P2RY14: variants seen among roughly 807,000 people sequenced by gnomAD.
P2RY14 encodes P2Y purinoceptor 14.
P2RY14 carries 2 observed loss-of-function variants against 0.9 expected under a neutral mutation model. That is an observed-to-expected ratio of 2.16 (90% CI 0.88 to 6.79). The LOEUF is 6.79. P2RY14 is among the 30% of genes most tolerant of loss of function. The pLI, the probability that P2RY14 is intolerant of heterozygous loss-of-function variation, is 0.05. For synonymous variants in P2RY14, 158 were observed against 147.2 expected (o/e 1.07, Z -0.53); for missense variants, 378 against 400.1 (o/e 0.94, Z 0.47).
At chr3:151,231,834 C>T (rs1731735220) in intron 1 of P2RY14, among the ~76,000 whole-genome samples, 3 of 152,060 alleles carry the variant, frequency 2.0e-5, no homozygotes, top group South Asian at 4.1e-4. Flanking sequence ...TTTAGAGATG[C>T]TTATTGAAGT....
Position 151,213,415 on chromosome 3 carries a change from G to A in P2RY14, c.902C>T (p.Pro301Leu), listed in dbSNP as rs74811185. The A allele has an allele frequency of 1.8e-3, 2,954 of 1,613,982 alleles. 40 individuals carry two copies. In the East Asian group the frequency reaches 0.023, roughly 12 times the overall value. The stretch of plus-strand genomic sequence containing the variant: ...TTTCTTACATAAGATTTCCCTAAAC[G>A]GCTGGCATAGAAAGAAATAAATAAT... Reference protein sequence around the residue: ...DPIIYFFLCQPFREILCKKLH... With the variant: ...DPIIYFFLCQLFREILCKKLH... The change falls in exon 3 of 3, where the codon CCG becomes CTG. Residue 301 changes from proline to leucine, a missense_variant. By Grantham distance (98) the Pro-to-Leu change is moderately conservative. Coordinates refer to ENST00000309170, the MANE Select transcript of P2RY14 (RefSeq NM_014879.4).
At chr3:151,261,829 A>G (rs1400599560) in intron 1 of P2RY14, among the ~76,000 whole-genome samples, 1 of 152,078 alleles carries the variant, frequency 6.6e-6, no homozygotes, top group Non-Finnish European at 1.5e-5. Flanking sequence ...GGTTCAATAC[A>G]TTCTTGTGCC....
chr3:151,249,685 T>C (rs1736458049), intron 1 of P2RY14, among the ~76,000 whole-genome samples: 1 of 152,306 alleles, frequency 6.6e-6, no homozygotes, highest in South Asian at 2.1e-4. Flanking sequence ...GGGTCTCCAA[T>C]CATTCTTCGT....
intron 1 of P2RY14, among the ~76,000 whole-genome samples, chr3:151,242,480 CTG>C (rs1283132507): frequency 6.6e-6 from 1 of 151,994 alleles, no homozygotes; most frequent in East Asian, 1.9e-4. Context: ...AGCAGCCTAA[CTG>C]GGAGGCACCC....
intron 1 of P2RY14, among the ~76,000 whole-genome samples, chr3:151,237,266 C>G (rs1320172695): frequency 6.6e-6 from 1 of 150,550 alleles, no homozygotes; most frequent in Non-Finnish European, 1.5e-5. Flanking sequence ...TCTTGAACAC[C>G]TGACCTTGTG....
intron 1 of P2RY14, among the ~76,000 whole-genome samples, chr3:151,220,151 C>T (rs764120328): frequency 2.7e-5 from 4 of 148,598 alleles, no homozygotes; most frequent in South Asian, 2.2e-4. Context: ...ACCCAAGTTG[C>T]GGTAATCAAA....
At chr3:151,227,691 G>C (rs1045362845) in intron 1 of P2RY14, among the ~76,000 whole-genome samples, 1 of 152,168 alleles carries the variant, frequency 6.6e-6, no homozygotes, top group Non-Finnish European at 1.5e-5. Flanking sequence ...TGGCAAACTG[G>C]GGGCCAGGAA....
intron 1 of P2RY14, among the ~76,000 whole-genome samples, chr3:151,246,396 C>T (rs1424451362): frequency 2.6e-5 from 4 of 151,976 alleles, no homozygotes; most frequent in Admixed American, 2.0e-4. Flanking sequence ...GTAACCAAAA[C>T]AGCATGGTAC....
In P2RY14 at chr3:151,214,343, G is replaced by A; in HGVS notation, c.-24-3C>T. ...TTGTAACTTCTGAAGGCAGAGGCCT[G>A]AAAAGAGGTGTGAACTGGTCACTCA... On this transcript the variant is annotated splice_polypyrimidine_tract_variant and splice_region_variant and intron_variant, in intron 2 of 2. Coordinates refer to ENST00000309170, the MANE Select transcript of P2RY14 (RefSeq NM_014879.4). The A allele has an allele frequency of 2.5e-6, 4 of 1,596,594 alleles. No homozygotes were observed. The South Asian group carries it at 3.4e-5, about 14-fold the overall frequency.
intron 1 of P2RY14, among the ~76,000 whole-genome samples, chr3:151,225,632 C>T (rs543818828): frequency 2.0e-5 from 3 of 152,304 alleles, no homozygotes; most frequent in East Asian, 3.9e-4. Context: ...CAGATCCTAT[C>T]GGTAGCTGTC....
chr3:151,232,918 A>G (rs934696214), intron 1 of P2RY14, among the ~76,000 whole-genome samples: 3 of 152,208 alleles, frequency 2.0e-5, no homozygotes, highest in Non-Finnish European at 2.9e-5. Context: ...TACCCTTGAA[A>G]CTAAATTTTT....
intron 1 of P2RY14, among the ~76,000 whole-genome samples, chr3:151,256,318 C>T (rs1196130613): frequency 2.0e-5 from 3 of 152,108 alleles, no homozygotes; most frequent in Non-Finnish European, 4.4e-5. Context: ...GAGTGCTTCT[C>T]GGAGCTTTAC....
intron 1 of P2RY14, among the ~76,000 whole-genome samples, chr3:151,227,596 T>A (rs1730794473): frequency 6.6e-6 from 1 of 152,188 alleles, no homozygotes; most frequent in Non-Finnish European, 1.5e-5. Flanking sequence ...TGCAAATGGA[T>A]CATGGGAGCT....
chr3:151,232,112 CCTT>C (rs1381323113), intron 1 of P2RY14, among the ~76,000 whole-genome samples: 1 of 152,126 alleles, frequency 6.6e-6, no homozygotes, highest in Non-Finnish European at 1.5e-5. Context: ...TCTTACCTTT[CCTT>C]CTTACTTTCC....
chr3:151,220,228 G>A (rs1204221062), intron 1 of P2RY14, among the ~76,000 whole-genome samples: 1 of 151,528 alleles, frequency 6.6e-6, no homozygotes, highest in African/African-American at 2.4e-5. Context: ...TACCACCAGT[G>A]TAATGAGACT....
rs80221973 is a variant in P2RY14 at position 151,278,418 on chromosome 3, C to T, written c.-264G>A. The T allele has an allele frequency of 1.3e-5, 2 of 152,178 alleles. No individual in the cohort carries two copies. The highest frequency in any genetic ancestry group is 4.8e-5 in the African/African-American group (2 of 41,434). 9.4% of individuals were successfully genotyped at this position (152,178 alleles called of 1,614,324 possible). A position where few individuals can be genotyped will look rare whatever the true frequency, so the allele number is the denominator to read the frequency against. The stretch of plus-strand genomic sequence containing the variant: ...CTACGGATGAAAATCAGGAACTTGA[C>T]AGAAACCACAAGATAGTGGGTCCCT... On this transcript the variant is annotated 5_prime_UTR_variant, in exon 1 of 3. Coordinates refer to ENST00000309170, the MANE Select transcript of P2RY14 (RefSeq NM_014879.4).
intron 1 of P2RY14, among the ~76,000 whole-genome samples, chr3:151,243,276 A>C (rs1734613158): frequency 6.6e-6 from 1 of 151,752 alleles, no homozygotes; most frequent in Non-Finnish European, 1.5e-5. Flanking sequence ...CGCCACAAAG[A>C]TACTCCTCGA....
rs544243320 is a variant in P2RY14, at chr3:151,244,891, AAGAG to A, written c.-132-25253_-132-25250del. ...CGCTAGCAAGACTAATAAAGAAAAA[AAGAG>A]AGAAGAATCTAATAGACCCAATAAA... On this transcript the variant is annotated intron_variant, in intron 1 of 2. Transcript: ENST00000309170. 2.9e-3 allele frequency among the ~76,000 whole-genome samples: 447 copies of A among 152,240 alleles called. 3 individuals are homozygous for A. Among genetic ancestry groups the A allele is most frequent in the African/African-American group, 0.01 (427 of 41,564 alleles).
intron 1 of P2RY14, among the ~76,000 whole-genome samples, chr3:151,241,384 CT>C (rs768838712): frequency 6.6e-6 from 1 of 152,048 alleles, no homozygotes; most frequent in Non-Finnish European, 1.5e-5. Flanking sequence ...TCAAAACAAA[CT>C]TTTACTCTTG....
Sources: allele counts gnomAD v4.1 joint callset (sites outside exome capture counted in the v4.1 genomes callset), GRCh38; gene constraint gnomAD v4.1.1; transcripts MANE v1.5; gene names NCBI Gene and HGNC (gene_info 2026-07-23, HGNC 2026-07-21).